FGF14: variants seen among roughly 807,000 people sequenced by gnomAD.
FGF14 encodes fibroblast growth factor 14.
FGF14 carries 5 observed loss-of-function variants against 25.5 expected under a neutral mutation model. The observed-to-expected ratio is 0.20, with a 90% CI of 0.10 to 0.41. FGF14 has a LOEUF of 0.41. Ranked by LOEUF, FGF14 falls within the 10% of genes least tolerant of loss-of-function variation. FGF14 has a pLI of 1.00. For missense variants in FGF14, 222 were observed against 320.1 expected (o/e 0.69, Z 2.34); for synonymous variants, 138 against 118.3 (o/e 1.17, Z -1.08).
intron 3 of FGF14, among the ~76,000 whole-genome samples, chr13:101,806,484 TTG>T (rs1050703682): frequency 6.6e-6 from 1 of 151,886 alleles, no homozygotes; most frequent in Non-Finnish European, 1.5e-5. Context: ...ATTTTTTTTT[TTG>T]TTTTCATTCC....
intron 1 of FGF14, among the ~76,000 whole-genome samples, chr13:102,197,247 A>T (rs147586636): frequency 1.3e-5 from 2 of 152,276 alleles, no homozygotes; most frequent in East Asian, 3.9e-4. Flanking sequence ...AGTGGATATC[A>T]AGTCAAAGTA....
Position 101,719,770 on chromosome 13 carries a change from A to G in FGF14, c.*3061T>C, listed in dbSNP as rs867562925. On this transcript the variant is annotated 3_prime_UTR_variant, in exon 5 of 5. Coordinates refer to ENST00000376143, the MANE Select transcript of FGF14 (RefSeq NM_004115.4). ...ATGCACATGGAGGTACAAAACACACAGTCTAAATACAAATGAATTCCATCA... is the reference window on the plus strand; with the variant it reads ...ATGCACATGGAGGTACAAAACACACGGTCTAAATACAAATGAATTCCATCA... 43 of 152,216 alleles carry G rather than the reference A, an allele frequency of 2.8e-4. No individual in the cohort carries two copies. Among genetic ancestry groups the G allele is most frequent in the African/African-American group, 1.0e-3 (42 of 41,566 alleles). The allele number at this position is 152,216 out of a possible 1,614,324, so 9.4% of individuals were successfully genotyped here.
intron 1 of FGF14, among the ~76,000 whole-genome samples, chr13:102,107,225 T>G (rs1487641053): frequency 2.6e-5 from 4 of 152,214 alleles, no homozygotes; most frequent in Non-Finnish European, 5.9e-5. Context: ...GGCAACTGTC[T>G]TAGTTGCTGA....
chr13:101,878,851 TACATGTAATATGTAAAA>T (rs900951017), intron 1 of FGF14, among the ~76,000 whole-genome samples: 1 of 151,996 alleles, frequency 6.6e-6, no homozygotes, highest in Admixed American at 6.6e-5. Context: ...TATGTAAAAA[TACATGTAATATGTAAAA>T]AAATGCTCAT....
chr13:101,797,772 T>TGTGTGTGTGTGTGTGTGTGTGTGC (rs1555384576), intron 3 of FGF14, among the ~76,000 whole-genome samples: 36 of 145,670 alleles, frequency 2.5e-4, no homozygotes, highest in East Asian at 1.3e-3. Flanking sequence ...TGTGTGTGTG[T>TGTGTGTGTGTGTGTGTGTGTGTGC]GTGTGTGTGT....
At chr13:102,059,053 G>C (rs1049080550) in intron 1 of FGF14, among the ~76,000 whole-genome samples, 1 of 151,952 alleles carries the variant, frequency 6.6e-6, no homozygotes, top group African/African-American at 2.4e-5. Flanking sequence ...TTCCCAAATT[G>C]AGACTGGGGG....
At chr13:101,789,376 T>C (rs2040100114) in intron 3 of FGF14, among the ~76,000 whole-genome samples, 1 of 152,154 alleles carries the variant, frequency 6.6e-6, no homozygotes, top group Non-Finnish European at 1.5e-5. Context: ...CATAGGTGCC[T>C]TCATGCCCCA....
intron 1 of FGF14, among the ~76,000 whole-genome samples, chr13:102,392,373 C>T (rs1290990641): frequency 6.6e-6 from 1 of 152,112 alleles, no homozygotes; most frequent in Non-Finnish European, 1.5e-5. Flanking sequence ...CTGCTATTGA[C>T]AAAGAATTGT....
At chr13:102,174,903 T>C (rs1200651283) in intron 1 of FGF14, among the ~76,000 whole-genome samples, 2 of 151,958 alleles carry the variant, frequency 1.3e-5, no homozygotes, top group East Asian at 3.9e-4. Flanking sequence ...GTGCATGTAC[T>C]GCCAGTATCT....
intron 1 of FGF14, among the ~76,000 whole-genome samples, chr13:102,361,744 C>T (rs967258082): frequency 5.3e-5 from 8 of 152,326 alleles, no homozygotes; most frequent in African/African-American, 1.9e-4. Flanking sequence ...CTTAAAACAA[C>T]TTCAGATTTC....
intron 1 of FGF14, among the ~76,000 whole-genome samples, chr13:102,111,153 T>C (rs532193476): frequency 2.6e-5 from 4 of 152,214 alleles, no homozygotes; most frequent in South Asian, 2.1e-4. Context: ...CAGGCACCAC[T>C]GCTTCCTCCA....
chr13:101,986,538 C>T (rs1370843956), intron 1 of FGF14, among the ~76,000 whole-genome samples: 2 of 151,954 alleles, frequency 1.3e-5, no homozygotes, highest in African/African-American at 4.8e-5. Flanking sequence ...GAGTCAAATA[C>T]AAAAGGGAAA....
At chr13:102,278,622 T>C (rs1176870800) in intron 1 of FGF14, among the ~76,000 whole-genome samples, 1 of 114,648 alleles carries the variant, frequency 8.7e-6, no homozygotes, top group Non-Finnish European at 1.7e-5. Flanking sequence ...ACATACATTT[T>C]ATGTAATATA....
chr13:101,851,523 A>G (rs2043850229), intron 3 of FGF14, among the ~76,000 whole-genome samples: 2 of 152,090 alleles, frequency 1.3e-5, no homozygotes, highest in South Asian at 2.1e-4. Flanking sequence ...GCAATGTACA[A>G]TCTGGACAAG....
At chr13:101,749,843 G>T (rs1188718689) in intron 3 of FGF14, among the ~76,000 whole-genome samples, 2 of 152,058 alleles carry the variant, frequency 1.3e-5, no homozygotes, top group African/African-American at 4.8e-5. Context: ...ACTAAAGCTG[G>T]TGTTTGCTGT....
chr13:102,382,304 T>C (rs547926360), intron 1 of FGF14, among the ~76,000 whole-genome samples: 202 of 152,174 alleles, frequency 1.3e-3, no homozygotes, highest in Middle Eastern at 6.8e-3. Context: ...GACAACCCTA[T>C]TAAAAATGGG....
chr13:101,958,301 C>T (rs543516438), intron 1 of FGF14, among the ~76,000 whole-genome samples: 2 of 152,374 alleles, frequency 1.3e-5, no homozygotes, highest in South Asian at 4.1e-4. Context: ...TGATTGGCAG[C>T]TTCCAGTGTT....
chr13:102,001,198 T>C (rs1398797322), intron 1 of FGF14, among the ~76,000 whole-genome samples: 1 of 152,216 alleles, frequency 6.6e-6, no homozygotes, highest in Admixed American at 6.5e-5. Flanking sequence ...AGGAAAAATA[T>C]TGTATTGATT....
At chr13:102,046,561 T>C (rs1451201361) in intron 1 of FGF14, among the ~76,000 whole-genome samples, 2 of 152,174 alleles carry the variant, frequency 1.3e-5, no homozygotes, top group East Asian at 3.8e-4. Flanking sequence ...TATTTGACAA[T>C]TTAATGCACC....
Sources: allele counts gnomAD v4.1 joint callset (sites outside exome capture counted in the v4.1 genomes callset), GRCh38; gene constraint gnomAD v4.1.1; transcripts MANE v1.5; gene names NCBI Gene and HGNC (gene_info 2026-07-23, HGNC 2026-07-21).